Variants in TMEM132D observed in about 807,000 individuals in gnomAD.
TMEM132D encodes transmembrane protein 132D, also known as mature OL transmembrane protein.
Under a neutral mutation model 62.3 loss-of-function variants are expected in TMEM132D, and 21 were observed. The observed-to-expected ratio is 0.34, with a 90% CI of 0.24 to 0.49. The LOEUF (loss-of-function observed/expected upper bound fraction) is 0.49. TMEM132D is among the 20% of genes least tolerant of loss of function. The pLI is 0.99. For missense variants in TMEM132D, 1,346 were observed against 1,402.8 expected (o/e 0.96, Z 0.65); for synonymous variants, 621 against 575.6 (o/e 1.08, Z -1.13).
intron 2 of TMEM132D, among the ~76,000 whole-genome samples, chr12:129,601,266 T>C (rs1397935384): frequency 6.6e-6 from 1 of 152,170 alleles, no homozygotes; most frequent in African/African-American, 2.4e-5. Flanking sequence ...CCAGCCTTCA[T>C]AGAACTGAAA....
At chr12:129,215,417 A>G (rs2135570410) in intron 4 of TMEM132D, among the ~76,000 whole-genome samples, 1 of 152,314 alleles carries the variant, frequency 6.6e-6, no homozygotes, top group East Asian at 1.9e-4. Context: ...AATTGGTACA[A>G]CAAACCTCCA....
chr12:129,875,771 C>T (rs1396111663), intron 1 of TMEM132D, among the ~76,000 whole-genome samples: 2 of 152,066 alleles, frequency 1.3e-5, no homozygotes, highest in Non-Finnish European at 2.9e-5. Context: ...TTCCGATTTT[C>T]GAGAGACAGC....
intron 3 of TMEM132D, among the ~76,000 whole-genome samples, chr12:129,485,253 G>A (rs1376615835): frequency 6.6e-6 from 1 of 152,198 alleles, no homozygotes; most frequent in Non-Finnish European, 1.5e-5. Flanking sequence ...AACAGGAGAT[G>A]AGGAGGCAGG....
At chr12:129,185,672 TGTTAAA>T (rs1296303015) in intron 5 of TMEM132D, among the ~76,000 whole-genome samples, 1 of 152,138 alleles carries the variant, frequency 6.6e-6, no homozygotes, top group African/African-American at 2.4e-5. Flanking sequence ...CTTTAGGAAA[TGTTAAA>T]GTTTTATGTC....
chr12:129,483,235 T>G lies in TMEM132D; in HGVS notation c.1115+47824A>C, dbSNP rs183807406. The stretch of plus-strand genomic sequence containing the variant: ...CCAAATTTGTGCCAGTGTGCTTGAC[T>G]TTTTCTTTCTTTTGTCTAATACTGT... On this transcript the variant is annotated intron_variant, in intron 3 of 8. Coordinates refer to ENST00000422113, the MANE Select transcript of TMEM132D (RefSeq NM_133448.3). 1.7e-4 allele frequency among the ~76,000 whole-genome samples: 26 copies of G among 152,316 alleles called. 1 individual carries two copies. Among genetic ancestry groups the G allele is most frequent in the African/African-American group, 5.8e-4 (24 of 41,582 alleles).
At chr12:129,618,979 A>C (rs1402075124) in intron 2 of TMEM132D, among the ~76,000 whole-genome samples, 1 of 152,204 alleles carries the variant, frequency 6.6e-6, no homozygotes, top group Non-Finnish European at 1.5e-5. Flanking sequence ...ATGGGTTGAA[A>C]GAGTTGTTAT....
chr12:129,639,821 AT>A (rs373474214), intron 2 of TMEM132D, among the ~76,000 whole-genome samples: 4 of 151,810 alleles, frequency 2.6e-5, no homozygotes, highest in East Asian at 3.9e-4. Context: ...TTCAGAGTAA[AT>A]TTTTTTTTCT....
chr12:129,635,985 T>C (rs533540638), intron 2 of TMEM132D, among the ~76,000 whole-genome samples: 1 of 152,334 alleles, frequency 6.6e-6, no homozygotes, highest in African/African-American at 2.4e-5. Context: ...GATTCAAATA[T>C]CTTCTGATTT....
chr12:129,382,882 CT>C (rs1870993746), intron 3 of TMEM132D, among the ~76,000 whole-genome samples: 2 of 152,134 alleles, frequency 1.3e-5, no homozygotes, highest in Admixed American at 1.3e-4. Flanking sequence ...TCCGCTCAGT[CT>C]TTTGGTAGAA....
intron 5 of TMEM132D, among the ~76,000 whole-genome samples, chr12:129,173,098 G>C (rs556181355): frequency 2.0e-4 from 30 of 152,242 alleles, no homozygotes; most frequent in Non-Finnish European, 1.0e-4. Flanking sequence ...AAAAGAAAAA[G>C]CTTGATATAT....
chr12:129,887,332 C>A (rs558802159), intron 1 of TMEM132D, among the ~76,000 whole-genome samples: 7 of 152,270 alleles, frequency 4.6e-5, no homozygotes, highest in Admixed American at 3.9e-4. Flanking sequence ...CAGGAAAATC[C>A]ACTTCTATGA....
intron 5 of TMEM132D, among the ~76,000 whole-genome samples, chr12:129,124,047 T>C (rs946273878): frequency 3.3e-5 from 5 of 152,216 alleles, no homozygotes; most frequent in African/African-American, 1.2e-4. Context: ...TCTGTCTATC[T>C]ATGTGCAGCC....
chr12:129,737,801 A>G (rs1310837007), intron 1 of TMEM132D, among the ~76,000 whole-genome samples: 1 of 152,260 alleles, frequency 6.6e-6, no homozygotes, highest in Non-Finnish European at 1.5e-5. Flanking sequence ...TAAAGTTAAC[A>G]TTCAAAATAC....
intron 2 of TMEM132D, among the ~76,000 whole-genome samples, chr12:129,539,234 ATT>A (rs151124336): frequency 7.0e-6 from 1 of 142,798 alleles, no homozygotes; most frequent in African/African-American, 2.6e-5. Context: ...TTATTTCCGG[ATT>A]TTTTTTTTTT....
intron 5 of TMEM132D, among the ~76,000 whole-genome samples, chr12:129,155,043 A>G (rs1877194683): frequency 6.6e-6 from 1 of 152,270 alleles, no homozygotes; most frequent in South Asian, 2.1e-4. Flanking sequence ...TCTGTTTCAT[A>G]GATGTGCTGT....
At chr12:129,443,354 G>C (rs1872994717) in intron 3 of TMEM132D, among the ~76,000 whole-genome samples, 1 of 152,178 alleles carries the variant, frequency 6.6e-6, no homozygotes, top group South Asian at 2.1e-4. Context: ...GGCATCGCAA[G>C]TCTCTAGTAT....
intron 2 of TMEM132D, among the ~76,000 whole-genome samples, chr12:129,603,300 C>T (rs1878530757): frequency 6.6e-6 from 1 of 152,170 alleles, no homozygotes. Context: ...TGTGCTCTGC[C>T]CATCTCTCCC....
chr12:129,786,740 T>C (rs1283503687), intron 1 of TMEM132D, among the ~76,000 whole-genome samples: 1 of 152,072 alleles, frequency 6.6e-6, no homozygotes, highest in East Asian at 1.9e-4. Context: ...AAAATACAAA[T>C]ATTGGCTGAG....
At chr12:129,333,314 C>A (rs183447672) in intron 4 of TMEM132D, among the ~76,000 whole-genome samples, 28 of 152,224 alleles carry the variant, frequency 1.8e-4, no homozygotes, top group African/African-American at 6.0e-4. Context: ...TATTGCATAT[C>A]CTTTGATTTG....
Sources: allele counts gnomAD v4.1 joint callset (sites outside exome capture counted in the v4.1 genomes callset), GRCh38; gene constraint gnomAD v4.1.1; transcripts MANE v1.5; gene names NCBI Gene and HGNC (gene_info 2026-07-23, HGNC 2026-07-21).